Variants in MNX1 observed in about 807,000 individuals in gnomAD.
MNX1 encodes motor neuron and pancreas homeobox protein 1.
In MNX1, 2 loss-of-function variants were observed where a neutral mutation model predicts 17.3. The observed-to-expected ratio is 0.12, with a 90% CI of 0.05 to 0.36. The LOEUF is 0.36. Ranked by LOEUF, MNX1 falls within the 10% of genes least tolerant of loss-of-function variation. MNX1 has a pLI of 1.00. For missense variants in MNX1, 556 were observed against 564.7 expected, an observed-to-expected ratio of 0.98 and a Z score of 0.16; for synonymous variants, 306 against 283.1, an observed-to-expected ratio of 1.08 and a Z score of -0.81.
chr7:157,009,872 C>T lies in MNX1; in HGVS notation c.479G>A (p.Gly160Asp). 1 of 1,453,178 alleles carries T rather than the reference C, an allele frequency of 6.9e-7. No individual in the cohort carries two copies. The highest frequency in any genetic ancestry group is 9.0e-7 in the Non-Finnish European group (1 of 1,109,550). 90.0% of individuals were successfully genotyped at this position (1,453,178 alleles called of 1,614,324 possible). A position where few individuals can be genotyped will look rare whatever the true frequency, so the allele number is the denominator to read the frequency against. Reference protein sequence around the residue: ...AGLPAQAALYGHPVYGYSAAA... With the variant: ...AGLPAQAALYDHPVYGYSAAA... ...CGCGGAGTAGCCGTAGACCGGGTGG[C>T]CGTAGAGCGCCGCCTGCGCCGGGAG... Residue 160 changes from glycine (G) to aspartate (D), a missense_variant, in exon 1 of 3, where the codon GGC (glycine) becomes GAC (aspartate). Gly to Asp is a moderately conservative substitution (Grantham distance 94). Around this residue, in one of 7 missense-constraint regions of MNX1, gnomAD observed 210 missense variants for 211.3 expected, o/e 0.99. Coordinates refer to ENST00000252971, the MANE Select transcript of MNX1 (RefSeq NM_005515.4).
chr7:157,009,967 G>GGCGGCC lies in MNX1; in HGVS notation c.383_384insGGCCGC (p.Ala133_Ala134dup). Reference sequence around the variant, plus strand: ...GGCCCCCAGCGGCGGCGGCGGCGGCGGCGGCGGCGGCAGCGGCCGCTGCGC... The same window carrying GGCGGCC: ...GGCCCCCAGCGGCGGCGGCGGCGGCGGCGGCCGCGGCGGCGGCAGCGGCCGCTGCGC... On this transcript the variant is annotated inframe_insertion, in exon 1 of 3. Transcript: ENST00000252971. The GGCGGCC allele has an allele frequency of 1.0e-6, 1 of 965,214 alleles. No homozygotes were observed. The highest frequency in any genetic ancestry group is 1.2e-6 in the Non-Finnish European group (1 of 824,662). The allele number at this position is 965,214 out of a possible 1,614,324, so 59.8% of individuals were successfully genotyped here. A position where few individuals can be genotyped will look rare whatever the true frequency, so the allele number is the denominator to read the frequency against.
At chr7:157,007,297 G>GAGGA (rs147710022) in intron 1 of MNX1, among the ~76,000 whole-genome samples, 2,069 of 151,118 alleles carry the variant, frequency 0.014, 50 homozygotes, top group African/African-American at 0.049. Flanking sequence ...AGGAGAAAAA[G>GAGGA]AGGAAGGAAG....
chr7:157,009,285 C>G, intron 1 of MNX1: 1 of 1,419,814 alleles, frequency 7.0e-7, no homozygotes, highest in Non-Finnish European at 9.2e-7. Context: ...GTTCCTTTCC[C>G]CGGTGATAAG....
rs373662349 is a variant in MNX1 at position 157,006,853 on chromosome 7, A to ATTTTTTT, written c.692-221_692-215dup. On this transcript the variant is annotated intron_variant, in intron 1 of 2. Coordinates refer to ENST00000252971, the MANE Select transcript of MNX1 (RefSeq NM_005515.4). This position sits in a 1 kb window ranked among gnomAD's most constrained non-coding sequence, Gnocchi z 6.3. ...GGATAGTTTGGAGTTAATGAGACCA[A>ATTTTTTT]TTTTTTTTTTTTTTTTTGTCTAGGA... The ATTTTTTT allele has an allele frequency of 1.5e-3, 415 of 273,620 alleles. 20 individuals carry two copies. Among genetic ancestry groups the ATTTTTTT allele is most frequent in the African/African-American group, 8.5e-3 (227 of 26,780 alleles). The allele number at this position is 273,620 out of a possible 1,614,324, so 16.9% of individuals were successfully genotyped here.
chr7:157,006,699 C>T lies in MNX1; in HGVS notation c.692-60G>A, dbSNP rs1455862620. ...CTCCGGTCCTCGCCCCAGCCCCTCC[C>T]GTTGCTGCTTGTACCACTACACTCA... On this transcript the variant is annotated intron_variant, in intron 1 of 2. Transcript: ENST00000252971. This position sits in a 1 kb window ranked among gnomAD's most constrained non-coding sequence, Gnocchi z 6.3. 1 of 1,505,774 alleles carries T rather than the reference C, an allele frequency of 6.6e-7. No homozygotes were observed. Among genetic ancestry groups the T allele is most frequent in the African/African-American group, 1.4e-5 (1 of 72,524 alleles). The allele number at this position is 1,505,774 out of a possible 1,614,324, so 93.3% of individuals were successfully genotyped here.
Position 157,005,721 on chromosome 7 carries a change from C to T in MNX1, c.1005G>A (p.Gly335=), listed in dbSNP as rs901730582. ...TGCCCTTGTCTCCGGGCGCTGGCGG[C>T]CCCAGCAGCTCCTCGGCTCCCGGCT... ...AEEPGAEELL[G]PPAPGDKGSG... The change falls in exon 3 of 3, where the codon GGG becomes GGA. Residue 335 remains glycine (G), a synonymous_variant. Coordinates refer to ENST00000252971, the MANE Select transcript of MNX1 (RefSeq NM_005515.4). 4.3e-6 allele frequency: 7 copies of T among 1,609,856 alleles called. No homozygotes were observed. Among genetic ancestry groups the T allele is most frequent in the East Asian group, 2.2e-5 (1 of 44,838 alleles).
chr7:157,009,203 G>C, intron 1 of MNX1: 1 of 1,452,298 alleles, frequency 6.9e-7, no homozygotes, highest in Non-Finnish European at 9.0e-7. Context: ...CTTGTTTGCT[G>C]CTCCTGAAGC....
chr7:157,006,667 C>T lies in MNX1; in HGVS notation c.692-28G>A. On this transcript the variant is annotated intron_variant, in intron 1 of 2. Coordinates refer to ENST00000252971, the MANE Select transcript of MNX1 (RefSeq NM_005515.4). This position sits in a 1 kb window ranked among gnomAD's most constrained non-coding sequence, Gnocchi z 6.3. Reference sequence around the variant, plus strand: ...GGGGACCAAAGGGCAGTGAGGCCCACAGCCGGCTCCGGTCCTCGCCCCAGC... The same window carrying T: ...GGGGACCAAAGGGCAGTGAGGCCCATAGCCGGCTCCGGTCCTCGCCCCAGC... 1.3e-6 allele frequency: 2 copies of T among 1,550,420 alleles called. No individual in the cohort carries two copies. Among genetic ancestry groups the T allele is most frequent in the Non-Finnish European group, 1.7e-6 (2 of 1,148,872 alleles).
At chr7:157,009,104 G>A in intron 1 of MNX1, 1 of 1,536,050 alleles carries the variant, frequency 6.5e-7, no homozygotes, top group South Asian at 1.2e-5. Flanking sequence ...CGGATCCAAC[G>A]CCCTTCCAGA....
rs201636326 is a variant in MNX1 at position 157,006,441 on chromosome 7, G to A, written c.852+38C>T. ...AGTGCAAAGGTAACAGTGTCCCCTGGGAGGCCGGGATGCGTCGGGGGCGGG... is the reference window on the plus strand; with the variant it reads ...AGTGCAAAGGTAACAGTGTCCCCTGAGAGGCCGGGATGCGTCGGGGGCGGG... On this transcript the variant is annotated intron_variant, in intron 2 of 2. Coordinates refer to ENST00000252971, the MANE Select transcript of MNX1 (RefSeq NM_005515.4). This position sits in a 1 kb window ranked among gnomAD's most constrained non-coding sequence, Gnocchi z 6.3. 6 of 1,598,250 alleles carry A rather than the reference G, an allele frequency of 3.8e-6. No homozygotes were observed. In the East Asian group the frequency reaches 1.3e-4, roughly 36 times the overall value.
At chr7:157,005,957 G>C in intron 2 of MNX1, 84 bp from the exon 3 acceptor site, 1 of 1,515,350 alleles carries the variant, frequency 6.6e-7, no homozygotes, top group South Asian at 1.1e-5. Context: ...GCGTGCGCCT[G>C]GGCCCCATTG....
intron 1 of MNX1, 27 bp downstream of exon 1, chr7:157,009,633 C>A (rs1443603370): frequency 2.5e-6 from 4 of 1,604,552 alleles, no homozygotes; most frequent in Non-Finnish European, 2.5e-6. Flanking sequence ...CCGCCACGCG[C>A]ATCCACGGGG....
In MNX1 at chr7:157,010,262, A is replaced by C. The variant is rs753593745; in HGVS notation, c.89T>G (p.Leu30Trp). The C allele has an allele frequency of 1.4e-6, 2 of 1,470,964 alleles. No individual in the cohort carries two copies. The highest frequency in any genetic ancestry group is 1.8e-6 in the Non-Finnish European group (2 of 1,105,408). The allele number at this position is 1,470,964 out of a possible 1,614,324, so 91.1% of individuals were successfully genotyped here. The change falls in exon 1 of 3, where the codon TTG becomes TGG. Residue 30 changes from leucine to tryptophan, a missense_variant. Leu to Trp is a moderately conservative substitution (Grantham distance 61). Coordinates refer to ENST00000252971, the MANE Select transcript of MNX1 (RefSeq NM_005515.4). ...TGCGGCGGCGGCGAGCGACGTGACC[A>C]AGGCCAGCGGCGCGCTCTGCGCAGA... Reference protein sequence around the residue: ...AASAQSAPLALVTSLAAAASG... With the variant: ...AASAQSAPLAWVTSLAAAASG...
Position 157,009,906 on chromosome 7 carries a change from C to A in MNX1, c.445G>T (p.Gly149Cys). 7.6e-7 allele frequency: 1 copy of A among 1,310,560 alleles called. No individual in the cohort carries two copies. Among genetic ancestry groups the A allele is most frequent in the South Asian group, 1.9e-5 (1 of 52,298 alleles). 81.2% of individuals were successfully genotyped at this position (1,310,560 alleles called of 1,614,324 possible). A position where few individuals can be genotyped will look rare whatever the true frequency, so the allele number is the denominator to read the frequency against. Residue 149 changes from glycine (G) to cysteine (C), a missense_variant, in exon 1 of 3, where the codon GGC (glycine) becomes TGC (cysteine). Gly to Cys is a radical substitution (Grantham distance 159). Around this residue, in one of 7 missense-constraint regions of MNX1, gnomAD observed 210 missense variants for 211.3 expected, o/e 0.99. Transcript: ENST00000252971. ...LGLHPGGAQG[G>C]AGLPAQAALY... ...GCCGCCTGCGCCGGGAGGCCCGCGC[C>A]GCCCTGCGCGCCCCCAGGGTGCAGC...
Position 157,006,519 on chromosome 7 carries a change from C to A in MNX1, c.812G>T (p.Arg271Leu). 2 of 1,611,096 alleles carry A rather than the reference C, an allele frequency of 1.2e-6. No homozygotes were observed. Among genetic ancestry groups the A allele is most frequent in the Non-Finnish European group, 1.7e-6 (2 of 1,179,292 alleles). Residue 271 changes from arginine to leucine, a missense_variant, in exon 2 of 3, where the codon CGC becomes CTC. Transcript: ENST00000252971. This position sits in a 1 kb window ranked among gnomAD's most constrained non-coding sequence, Gnocchi z 6.3. The part of the protein sequence containing the change: ...KLNKYLSRPK[R>L]FEVATSLMLT... ...CATGAGCGAGGTGGCCACCTCGAAG[C>A]GCTTGGGCCGCGACAGGTACTTGTT...
At chr7:157,009,437 G>A in intron 1 of MNX1, 5 of 1,429,876 alleles carry the variant, frequency 3.5e-6, no homozygotes, top group South Asian at 1.5e-5. Context: ...GTTAAGAGAG[G>A]AAGAGAAGGC....
chr7:157,009,539 C>G, intron 1 of MNX1, 121 bp downstream of exon 1: 1 of 1,491,066 alleles, frequency 6.7e-7, no homozygotes, highest in South Asian at 1.3e-5. Context: ...AGAGCCGAGG[C>G]GGCTTCGCAG....
chr7:157,008,896 G>A, intron 1 of MNX1: 1 of 1,261,012 alleles, frequency 7.9e-7, no homozygotes, highest in South Asian at 1.3e-5. Context: ...CCTCTGGCGA[G>A]GTGTCCCGCC....
chr7:157,007,991 C>G (rs1805635875), intron 1 of MNX1: 1 of 152,294 alleles, frequency 6.6e-6, no homozygotes, highest in Non-Finnish European at 1.5e-5. Context: ...GAGGACTTCT[C>G]AGAACACATT....
Sources: gnomAD v4.1 joint callset for allele counts (sites outside exome capture counted in the v4.1 genomes callset) on GRCh38, gnomAD v4.1.1 for gene constraint, gnomAD v4.1.1 regional missense constraint, Gnocchi (gnomAD v3.1) non-coding constraint, MANE v1.5 for transcripts, NCBI Gene and HGNC (gene_info 2026-07-23, HGNC 2026-07-21) for gene names.